Variants in GRM8 observed in about 807,000 individuals in gnomAD.
The protein encoded by GRM8 is metabotropic glutamate receptor 8.
GRM8 carries 47 observed loss-of-function variants against 87.2 expected under a neutral mutation model. That is an observed-to-expected ratio of 0.54 (90% CI 0.43 to 0.69). GRM8 has a LOEUF of 0.69. Ranked by LOEUF, GRM8 falls within the 30% of genes least tolerant of loss-of-function variation. GRM8 has a pLI of 0.00. For synonymous variants in GRM8, 396 were observed against 404.5 expected (o/e 0.98, Z 0.25); for missense variants, 1,019 against 1,139.2 (o/e 0.89, Z 1.52).
intron 3 of GRM8, among the ~76,000 whole-genome samples, chr7:127,034,864 T>C (rs1328172967): frequency 1.3e-5 from 2 of 152,062 alleles, no homozygotes; most frequent in Non-Finnish European, 2.9e-5. Flanking sequence ...CTGTAGGAAA[T>C]CTCATAAAAC....
intron 3 of GRM8, among the ~76,000 whole-genome samples, chr7:127,056,425 C>G (rs891915489): frequency 3.3e-5 from 5 of 152,172 alleles, no homozygotes; most frequent in African/African-American, 4.8e-5. Flanking sequence ...GGGTGCACAA[C>G]CTGAGCAGCT....
chr7:126,725,088 C>T (rs906160761), intron 7 of GRM8, among the ~76,000 whole-genome samples: 2 of 152,158 alleles, frequency 1.3e-5, no homozygotes, highest in African/African-American at 2.4e-5. Flanking sequence ...TCAAAGTGTA[C>T]AGTCTACAAG....
At position 126,904,699 on chromosome 7, in the gene GRM8, G is replaced by A; in HGVS notation, c.728-16C>T. The A allele has an allele frequency of 6.2e-7, 1 of 1,609,854 alleles. No individual in the cohort carries two copies. ...CAAACACCACCTATTTAAAAAAGAA[G>A]GGAGGTGGTGATTCAGAAAGAGCAT... is the stretch of plus-strand genomic sequence containing the variant. On this transcript the variant is annotated splice_polypyrimidine_tract_variant and intron_variant, in intron 3 of 10. Transcript: ENST00000339582.
chr7:126,971,854 T>G (rs1810465117), intron 3 of GRM8, among the ~76,000 whole-genome samples: 1 of 152,112 alleles, frequency 6.6e-6, no homozygotes, highest in East Asian at 1.9e-4. Flanking sequence ...GAAATAGCTT[T>G]TGGGTATAAA....
chr7:126,639,521 TTAG>T (rs1802173776), intron 7 of GRM8, among the ~76,000 whole-genome samples: 1 of 152,090 alleles, frequency 6.6e-6, no homozygotes. Flanking sequence ...TCTCATTACA[TTAG>T]TAGGGGTCAT....
intron 9 of GRM8, among the ~76,000 whole-genome samples, chr7:126,469,398 G>T (rs777123503): frequency 6.6e-6 from 1 of 151,714 alleles, no homozygotes. Context: ...TAACCCCCAT[G>T]TTGTCAAATC....
At position 126,909,076 on chromosome 7, in the gene GRM8, C is replaced by T. The variant is rs2518955; in HGVS notation, c.728-4393G>A. On this transcript the variant is annotated intron_variant, in intron 3 of 10. Transcript: ENST00000339582. The stretch of plus-strand genomic sequence containing the variant: ...TGTTTCAGGAGCTACAGACAAAGAC[C>T]GCCAGTCCTCAGCAGTTATGATATA... Among the ~76,000 whole-genome samples the T allele has an allele frequency of 2.0e-5, 3 of 151,870 alleles. No individual in the cohort carries two copies. In the South Asian group the frequency reaches 6.2e-4, roughly 31 times the overall value.
chr7:126,808,554 C>G (rs1792988841), intron 6 of GRM8, among the ~76,000 whole-genome samples: 1 of 152,188 alleles, frequency 6.6e-6, no homozygotes, highest in South Asian at 2.1e-4. Flanking sequence ...CACCCTGTTA[C>G]CTTTGTTCAG....
intron 3 of GRM8, among the ~76,000 whole-genome samples, chr7:127,074,144 G>C (rs983017666): frequency 6.6e-6 from 1 of 152,140 alleles, no homozygotes; most frequent in African/African-American, 2.4e-5. Context: ...GAATTAATCT[G>C]ATATTCCAAA....
At chr7:126,447,358 G>A (rs947439041) in intron 9 of GRM8, among the ~76,000 whole-genome samples, 1 of 151,652 alleles carries the variant, frequency 6.6e-6, no homozygotes, top group Non-Finnish European at 1.5e-5. Context: ...CAAATAACTT[G>A]GGATACTGAG....
At chr7:126,719,393 T>C (rs2151447311) in intron 7 of GRM8, among the ~76,000 whole-genome samples, 1 of 152,362 alleles carries the variant, frequency 6.6e-6, no homozygotes, top group Middle Eastern at 3.4e-3. Flanking sequence ...CAATAAAGTA[T>C]TCATCAGCAT....
intron 9 of GRM8, among the ~76,000 whole-genome samples, chr7:126,447,637 T>C (rs1802165577): frequency 6.6e-6 from 1 of 151,914 alleles, no homozygotes; most frequent in African/African-American, 2.4e-5. Context: ...AAAAAAACCA[T>C]TCGCCCTCAA....
chr7:127,023,444 G>A (rs1312471190), intron 3 of GRM8, among the ~76,000 whole-genome samples: 1 of 152,012 alleles, frequency 6.6e-6, no homozygotes, highest in South Asian at 2.1e-4. Context: ...GAACCACACA[G>A]TATGCAAAAG....
chr7:126,766,728 A>T, intron 7 of GRM8, among the ~76,000 whole-genome samples: 1 of 152,160 alleles, frequency 6.6e-6, no homozygotes, highest in East Asian at 1.9e-4. Context: ...CAGAAAATTA[A>T]AAATTGGTCC....
At chr7:126,644,645 T>C (rs1223035883) in intron 7 of GRM8, among the ~76,000 whole-genome samples, 9 of 152,228 alleles carry the variant, frequency 5.9e-5, no homozygotes, top group Admixed American at 5.9e-4. Context: ...TATTATATGA[T>C]ATAACCAATT....
intron 9 of GRM8, among the ~76,000 whole-genome samples, chr7:126,520,113 G>C (rs749571626): frequency 2.6e-5 from 4 of 151,920 alleles, no homozygotes; most frequent in Non-Finnish European, 5.9e-5. Flanking sequence ...AAATGAGAAG[G>C]AAAAACATAG....
intron 7 of GRM8, among the ~76,000 whole-genome samples, chr7:126,635,951 G>C (rs1033097053): frequency 6.6e-6 from 1 of 151,972 alleles, no homozygotes; most frequent in African/African-American, 2.4e-5. Context: ...AAACATTCTT[G>C]TACTAGAAAG....
intron 6 of GRM8, among the ~76,000 whole-genome samples, chr7:126,872,339 A>G (rs1280202265): frequency 6.6e-6 from 1 of 152,148 alleles, no homozygotes; most frequent in Non-Finnish European, 1.5e-5. Flanking sequence ...GCTTAGAACC[A>G]TAGGGAAAAA....
intron 6 of GRM8, among the ~76,000 whole-genome samples, chr7:126,850,953 A>G (rs1294004240): frequency 6.6e-6 from 1 of 152,072 alleles, no homozygotes; most frequent in East Asian, 1.9e-4. Flanking sequence ...CCATCAATAT[A>G]CTGAATATTC....
Sources: gnomAD v4.1 joint callset for allele counts (sites outside exome capture counted in the v4.1 genomes callset) on GRCh38, gnomAD v4.1.1 for gene constraint, MANE v1.5 for transcripts, NCBI Gene and HGNC (gene_info 2026-07-23, HGNC 2026-07-21) for gene names.